Variants in KLHL1 observed in about 807,000 individuals in gnomAD.
KLHL1 encodes the protein kelch like family member 1.
In KLHL1, 47 loss-of-function variants were observed where a neutral mutation model predicts 77.7. That is an observed-to-expected ratio of 0.60 (90% CI 0.48 to 0.77). The LOEUF (loss-of-function observed/expected upper bound fraction) is 0.77. Among genes scored for constraint, KLHL1 ranks in the 30% least tolerant of loss-of-function variants. KLHL1 has a pLI of 0.00. For synonymous variants in KLHL1, 360 were observed against 325.2 expected (o/e 1.11, Z -1.15); for missense variants, 925 against 910.8 (o/e 1.02, Z -0.20).
intron 6 of KLHL1, among the ~76,000 whole-genome samples, chr13:69,804,295 A>ACAT (rs1469021148): frequency 1.3e-5 from 2 of 151,214 alleles, no homozygotes; most frequent in Non-Finnish European, 2.9e-5. Context: ...GTAGACAAAT[A>ACAT]TAATTTTTTT....
At chr13:70,083,170 G>T (rs1593729697) in intron 1 of KLHL1, among the ~76,000 whole-genome samples, 1 of 152,098 alleles carries the variant, frequency 6.6e-6, no homozygotes, top group African/African-American at 2.4e-5. Context: ...GTAATAGTGA[G>T]CATTTAAACT....
At chr13:69,975,523 T>C in intron 2 of KLHL1, 97 bp downstream of exon 2, 3 of 1,000,124 alleles carry the variant, frequency 3.0e-6, no homozygotes, top group Non-Finnish European at 4.4e-6. Flanking sequence ...ATGTGAATCC[T>C]TATTTCTGTA....
chr13:69,809,569 G>A (rs988437492), intron 6 of KLHL1, among the ~76,000 whole-genome samples: 2 of 151,980 alleles, frequency 1.3e-5, no homozygotes, highest in African/African-American at 4.8e-5. Context: ...TTTTAGACAT[G>A]GAAATGAAAG....
intron 1 of KLHL1, among the ~76,000 whole-genome samples, chr13:70,002,240 A>T (rs1278229987): frequency 6.6e-6 from 1 of 151,684 alleles, no homozygotes; most frequent in African/African-American, 2.4e-5. Flanking sequence ...TTAAATAAAG[A>T]AAAAGATTCC....
At chr13:69,777,097 A>G (rs1314355335) in intron 7 of KLHL1, among the ~76,000 whole-genome samples, 35 of 152,038 alleles carry the variant, frequency 2.3e-4, no homozygotes, top group Non-Finnish European at 4.4e-5. Flanking sequence ...ATAGTAAGTC[A>G]CACGAGATCT....
chr13:69,781,037 A>T (rs1876162557), intron 7 of KLHL1, among the ~76,000 whole-genome samples: 2 of 151,758 alleles, frequency 1.3e-5, no homozygotes, highest in Non-Finnish European at 2.9e-5. Context: ...GACCAGAAGT[A>T]GAATCAGACT....
intron 1 of KLHL1, among the ~76,000 whole-genome samples, chr13:70,009,939 C>A (rs1885491605): frequency 6.6e-6 from 1 of 150,660 alleles, no homozygotes; most frequent in South Asian, 2.1e-4. Context: ...GAGAAGATAC[C>A]ATTGTATAAT....
rs1228913545 is a variant in KLHL1, at chr13:70,107,584, T to G, written c.116A>C (p.Gln39Pro). The change falls in exon 1 of 11, where the codon CAA (glutamine) becomes CCA (proline). Residue 39 changes from glutamine (Q) to proline (P), a missense_variant. Transcript: ENST00000377844. ...TGGPAGGGCL[Q>P]QDGSGSFEHW... Reference sequence around the variant, plus strand: ...CTCAAAGCTGCCACTGCCGTCCTGTTGCAGGCAGCCTCCCCCCGCCGGGCC... The same window carrying G: ...CTCAAAGCTGCCACTGCCGTCCTGTGGCAGGCAGCCTCCCCCCGCCGGGCC... The G allele has an allele frequency of 1.9e-6, 3 of 1,603,392 alleles. No homozygotes were observed. Among genetic ancestry groups the G allele is most frequent in the Non-Finnish European group, 2.6e-6 (3 of 1,174,544 alleles).
chr13:70,103,976 G>T (rs1021570072), intron 1 of KLHL1, among the ~76,000 whole-genome samples: 1 of 152,118 alleles, frequency 6.6e-6, no homozygotes, highest in African/African-American at 2.4e-5. Flanking sequence ...GGGATAAAAT[G>T]ACTGCACTCT....
chr13:70,074,290 C>G (rs143318239), intron 1 of KLHL1, among the ~76,000 whole-genome samples: 1 of 152,234 alleles, frequency 6.6e-6, no homozygotes, highest in Admixed American at 6.5e-5. Context: ...GGCATCACTA[C>G]AGTTGCCACT....
intron 7 of KLHL1, among the ~76,000 whole-genome samples, chr13:69,752,533 A>G (rs187550259): frequency 1.3e-5 from 2 of 152,332 alleles, no homozygotes; most frequent in African/African-American, 4.8e-5. Context: ...TAAAACAAAT[A>G]ACAATCGTTT....
At chr13:69,974,874 G>A (rs1021029204) in intron 2 of KLHL1, among the ~76,000 whole-genome samples, 25 of 152,026 alleles carry the variant, frequency 1.6e-4, no homozygotes, top group Admixed American at 5.9e-4. Flanking sequence ...CAATTTTGTA[G>A]TTATATTTGA....
intron 5 of KLHL1, among the ~76,000 whole-genome samples, chr13:69,875,697 C>T (rs1880737465): frequency 1.3e-5 from 2 of 152,072 alleles, no homozygotes; most frequent in Admixed American, 1.3e-4. Flanking sequence ...AATTTTGTAA[C>T]TTGAACGGTG....
At chr13:70,039,561 C>T (rs990790220) in intron 1 of KLHL1, among the ~76,000 whole-genome samples, 3 of 151,162 alleles carry the variant, frequency 2.0e-5, no homozygotes, top group African/African-American at 4.9e-5. Flanking sequence ...GATTTATTGC[C>T]ATTTTATTTA....
intron 7 of KLHL1, among the ~76,000 whole-genome samples, chr13:69,796,338 A>T (rs991105362): frequency 1.3e-4 from 20 of 151,984 alleles, no homozygotes; most frequent in African/African-American, 4.8e-4. Flanking sequence ...CTACTGGGAG[A>T]TGTTTGGATC....
Position 69,961,285 on chromosome 13 carries a change from ATGT to A in KLHL1, c.817+20_817+22del. 6.3e-7 allele frequency: 1 copy of A among 1,593,606 alleles called. No homozygotes were observed. Among genetic ancestry groups the A allele is most frequent in the Non-Finnish European group, 8.6e-7 (1 of 1,167,082 alleles). Reference sequence around the variant, plus strand: ...CTAAAATTTATAAGACATCAGAATGATGTTATAATTATTTTGCCATACCTGTAT... The same window carrying A: ...CTAAAATTTATAAGACATCAGAATGATATAATTATTTTGCCATACCTGTAT... On this transcript the variant is annotated intron_variant, in intron 3 of 10. Coordinates refer to ENST00000377844, the MANE Select transcript of KLHL1 (RefSeq NM_020866.3).
intron 4 of KLHL1, among the ~76,000 whole-genome samples, chr13:69,898,583 G>A (rs1237895052): frequency 3.7e-4 from 57 of 152,074 alleles, no homozygotes; most frequent in Non-Finnish European, 2.9e-5. Flanking sequence ...ATAAACTTCA[G>A]TGTTATGGCC....
rs527603560 is a variant in KLHL1 at position 69,803,902 on chromosome 13, T to G, written c.1415-6940A>C. Among the ~76,000 whole-genome samples, 46 of 152,318 alleles carry G rather than the reference T, an allele frequency of 3.0e-4. 1 individual carries two copies. Among genetic ancestry groups the G allele is most frequent in the Non-Finnish European group, 5.9e-5 (4 of 68,030 alleles). On this transcript the variant is annotated intron_variant, in intron 6 of 10. Transcript: ENST00000377844. ...AAAATAAATTTGGAAAAGTTCCAGA[T>G]AAGAATATAGCCTAGCTAACACCTT... is the stretch of plus-strand genomic sequence containing the variant.
At chr13:69,807,498 C>T (rs1198846728) in intron 6 of KLHL1, among the ~76,000 whole-genome samples, 5 of 152,072 alleles carry the variant, frequency 3.3e-5, no homozygotes, top group African/African-American at 1.2e-4. Context: ...GGACCACCTA[C>T]TAGACTGCTG....
Sources: gnomAD v4.1 joint callset for allele counts (sites outside exome capture counted in the v4.1 genomes callset) on GRCh38, gnomAD v4.1.1 for gene constraint, MANE v1.5 for transcripts, NCBI Gene and HGNC (gene_info 2026-07-23, HGNC 2026-07-21) for gene names.